The following WWOX variants were observed in gnomAD, a reference collection of about 807,000 sequenced individuals.
The protein encoded by WWOX is WW domain containing oxidoreductase.
A neutral mutation model predicts 46.2 loss-of-function variants in WWOX; 69 were observed. That is an observed-to-expected ratio of 1.49 (90% CI 1.23 to 1.82). The LOEUF is 1.82. WWOX is among the 40% of genes most tolerant of loss of function. The pLI, the probability that WWOX is intolerant of heterozygous loss-of-function variation, is 0.00. For missense variants in WWOX, 919 were observed against 542.6 expected (o/e 1.69, Z -6.89); for synonymous variants, 359 against 202.6 (o/e 1.77, Z -6.56).
chr16:78,610,819 A>T (rs2045883148), intron 8 of WWOX, among the ~76,000 whole-genome samples: 1 of 152,262 alleles, frequency 6.6e-6, no homozygotes, highest in East Asian at 1.9e-4. Context: ...GGGCATTATC[A>T]TTATTATTAT....
chr16:78,226,478 TGTCTTCCCTCCC>T (rs1669791488), intron 5 of WWOX, among the ~76,000 whole-genome samples: 3 of 139,438 alleles, frequency 2.2e-5, no homozygotes, highest in African/African-American at 5.8e-5. Flanking sequence ...TGTCCTGTCC[TGTCTTCCCTCCC>T]TCCCTCCCTC....
At chr16:78,687,633 G>T (rs2047893108) in intron 8 of WWOX, among the ~76,000 whole-genome samples, 1 of 152,148 alleles carries the variant, frequency 6.6e-6, no homozygotes, top group African/African-American at 2.4e-5. Context: ...GTTATCTATA[G>T]CTCAGGAACC....
chr16:78,911,732 G>GGTGC (rs2045116713), intron 8 of WWOX, among the ~76,000 whole-genome samples: 2 of 152,004 alleles, frequency 1.3e-5, no homozygotes, highest in Admixed American at 1.3e-4. Flanking sequence ...CAGACGTGAT[G>GGTGC]GTGCGTACCT....
intron 5 of WWOX, among the ~76,000 whole-genome samples, chr16:78,351,767 C>CCG: frequency 6.6e-6 from 1 of 152,168 alleles, no homozygotes; most frequent in African/African-American, 2.4e-5. Flanking sequence ...AGCGATTCTC[C>CCG]TCTCCCAGCC....
intron 8 of WWOX, among the ~76,000 whole-genome samples, chr16:78,983,635 C>A (rs1225612387): frequency 1.3e-5 from 2 of 152,116 alleles, no homozygotes; most frequent in Admixed American, 6.5e-5. Context: ...TAGATTTGGC[C>A]TTGTGACTTC....
chr16:78,296,540 T>C (rs1051060969), intron 5 of WWOX, among the ~76,000 whole-genome samples: 3 of 151,196 alleles, frequency 2.0e-5, no homozygotes, highest in African/African-American at 7.3e-5. Context: ...TTTCATTTTC[T>C]AAAATTACAT....
At chr16:78,990,588 A>G (rs778780991) in intron 8 of WWOX, among the ~76,000 whole-genome samples, 4 of 152,202 alleles carry the variant, frequency 2.6e-5, no homozygotes, top group Non-Finnish European at 5.9e-5. Flanking sequence ...TAATTCCATC[A>G]CCACCCAAGT....
intron 8 of WWOX, among the ~76,000 whole-genome samples, chr16:78,573,174 T>C (rs759595834): frequency 3.9e-5 from 6 of 152,100 alleles, no homozygotes; most frequent in Non-Finnish European, 7.4e-5. Context: ...TAGTCCCAGC[T>C]GCTCAGGAGG....
intron 8 of WWOX, among the ~76,000 whole-genome samples, chr16:78,640,250 T>TGTC (rs1476741995): frequency 7.1e-6 from 1 of 141,558 alleles, no homozygotes; most frequent in African/African-American, 2.8e-5. Context: ...TTTTTTTTTT[T>TGTC]TTTTGGCTTT....
chr16:78,998,123 C>T (rs770026760), intron 8 of WWOX, among the ~76,000 whole-genome samples: 6 of 152,064 alleles, frequency 3.9e-5, no homozygotes, highest in South Asian at 2.1e-4. Context: ...TGATCCCGCC[C>T]GCCTCGGCCT....
intron 8 of WWOX, among the ~76,000 whole-genome samples, chr16:78,837,985 T>G (rs1167971440): frequency 6.6e-6 from 1 of 152,168 alleles, no homozygotes; most frequent in African/African-American, 2.4e-5. Context: ...TCCAAAGGTT[T>G]CTCCAAAGGT....
intron 5 of WWOX, among the ~76,000 whole-genome samples, chr16:78,385,161 A>AC (rs1555530195): frequency 4.2e-4 from 63 of 151,654 alleles, no homozygotes; most frequent in African/African-American, 1.5e-3. Context: ...ACACACACAC[A>AC]AAAGCACAGG....
chr16:78,819,222 C>T (rs28676969), intron 8 of WWOX, among the ~76,000 whole-genome samples: 4,286 of 152,174 alleles, frequency 0.028, 198 homozygotes, highest in African/African-American at 0.097. Context: ...CTCAGCAGGC[C>T]AGTTGTCTTC....
intron 8 of WWOX, among the ~76,000 whole-genome samples, chr16:79,210,240 C>G (rs1050824930): frequency 6.6e-6 from 1 of 152,208 alleles, no homozygotes; most frequent in Non-Finnish European, 1.5e-5. Flanking sequence ...TAAAACCAAA[C>G]AACAATGACA....
At chr16:78,485,438 A>G (rs1039400721) in intron 8 of WWOX, among the ~76,000 whole-genome samples, 18 of 152,154 alleles carry the variant, frequency 1.2e-4, no homozygotes, top group Non-Finnish European at 2.4e-4. Context: ...CTCAACTTCC[A>G]TAGGAACCAA....
intron 8 of WWOX, among the ~76,000 whole-genome samples, chr16:78,501,897 G>T (rs1010949560): frequency 6.6e-6 from 1 of 152,056 alleles, no homozygotes; most frequent in Admixed American, 6.6e-5. Flanking sequence ...GGTTGGGGTG[G>T]CAATGAAAGG....
At chr16:78,276,382 G>A (rs2079578618) in intron 5 of WWOX, among the ~76,000 whole-genome samples, 1 of 152,194 alleles carries the variant, frequency 6.6e-6, no homozygotes, top group Non-Finnish European at 1.5e-5. Flanking sequence ...TTTTGACAAT[G>A]ATAATAATTA....
At chr16:79,083,060 C>T (rs549117147) in intron 8 of WWOX, among the ~76,000 whole-genome samples, 1 of 152,298 alleles carries the variant, frequency 6.6e-6, no homozygotes, top group East Asian at 1.9e-4. Context: ...CAGCCATTTT[C>T]ATCTTCACTG....
rs150993995 is a variant in WWOX at position 78,852,472 on chromosome 16, C to A, written c.1057-359136C>A. On this transcript the variant is annotated intron_variant, in intron 8 of 8. Transcript: ENST00000566780. Reference sequence around the variant, plus strand: ...AGGAATCAGGCTTCCAACAGTCAGACCAGATTGCCAGCCAACATGAGCGAG... The same window carrying A: ...AGGAATCAGGCTTCCAACAGTCAGAACAGATTGCCAGCCAACATGAGCGAG... Among the ~76,000 whole-genome samples the A allele has an allele frequency of 4.4e-4, 67 of 152,230 alleles. No individual in the cohort carries two copies. The East Asian group carries it at 0.01, about 23-fold the overall frequency.
Sources: allele counts gnomAD v4.1 joint callset (sites outside exome capture counted in the v4.1 genomes callset), GRCh38; gene constraint gnomAD v4.1.1; transcripts MANE v1.5; gene names NCBI Gene and HGNC (gene_info 2026-07-23, HGNC 2026-07-21).